The following RGS22 variants were observed in gnomAD, a reference collection of about 807,000 sequenced individuals.
RGS22 encodes regulator of G protein signaling 22, also known as regulator of G-protein signaling 22.
RGS22 carries 148 observed loss-of-function variants against 172.9 expected under a neutral mutation model. The observed-to-expected ratio is 0.86, with a 90% CI of 0.75 to 0.98. The LOEUF (loss-of-function observed/expected upper bound fraction) is 0.98. Ranked by LOEUF, RGS22 falls within the 50% of genes least tolerant of loss-of-function variation. RGS22 has a pLI of 0.00. For synonymous variants in RGS22, 458 were observed against 480.2 expected, an observed-to-expected ratio of 0.95 and a Z score of 0.60; for missense variants, 1,347 against 1,440.8, an observed-to-expected ratio of 0.93 and a Z score of 1.05.
intron 14 of RGS22, among the ~76,000 whole-genome samples, chr8:100,031,301 G>A (rs1455455563): frequency 6.6e-6 from 1 of 151,928 alleles, no homozygotes; most frequent in Non-Finnish European, 1.5e-5. Flanking sequence ...ACGTCATATA[G>A]CCTCTGATCT....
chr8:100,086,667 C>T (rs943587848), intron 3 of RGS22, among the ~76,000 whole-genome samples: 1 of 151,866 alleles, frequency 6.6e-6, no homozygotes, highest in African/African-American at 2.4e-5. Context: ...GCAATATACC[C>T]AGGTAACAAA....
intron 3 of RGS22, among the ~76,000 whole-genome samples, chr8:100,088,062 C>T (rs1812291347): frequency 6.6e-6 from 1 of 152,070 alleles, no homozygotes; most frequent in African/African-American, 2.4e-5. Context: ...CCAAACCCTT[C>T]ATCCCATGCA....
At chr8:99,998,487 T>C (rs1588940123) in intron 19 of RGS22, among the ~76,000 whole-genome samples, 1 of 152,220 alleles carries the variant, frequency 6.6e-6, no homozygotes, top group Non-Finnish European at 1.5e-5. Context: ...GGAAGATTGA[T>C]TGAGCCCCAG....
intron 3 of RGS22, 76 bp from the exon 4 acceptor site, chr8:100,080,431 T>A: frequency 2.0e-6 from 2 of 1,010,594 alleles, no homozygotes; most frequent in Non-Finnish European, 2.9e-6. Flanking sequence ...ACTTGTGGTT[T>A]ACATACATGC....
chr8:100,051,981 G>A (rs1346425330), intron 10 of RGS22, among the ~76,000 whole-genome samples: 5 of 39,798 alleles, frequency 1.3e-4, no homozygotes, highest in African/African-American at 2.5e-4. Context: ...ATATATAAAT[G>A]TTTATATATA....
intron 14 of RGS22, among the ~76,000 whole-genome samples, chr8:100,012,904 T>C (rs1300246940): frequency 6.6e-6 from 1 of 151,570 alleles, no homozygotes; most frequent in Non-Finnish European, 1.5e-5. Flanking sequence ...GTGCTACATA[T>C]CAAATTCTCA....
chr8:99,992,980 C>T (rs1043938185), intron 20 of RGS22, among the ~76,000 whole-genome samples: 1 of 152,184 alleles, frequency 6.6e-6, no homozygotes, highest in Non-Finnish European at 1.5e-5. Flanking sequence ...AACCACACAA[C>T]TACATGGAAA....
rs751319440 is a variant in RGS22, at chr8:100,008,488, T to G, written c.2248A>C (p.Lys750Gln). The change falls in exon 15 of 28, where the codon AAA (lysine) becomes CAA (glutamine). Residue 750 changes from lysine (K) to glutamine (Q), a missense_variant. Lys to Gln is a moderately conservative substitution (Grantham distance 53). Transcript: ENST00000360863. Reference sequence around the variant, plus strand: ...AGGTCTTCAAATGGTGGCTGTATTTTCATATAAATTTCTTTTTTCTTTTCC... The same window carrying G: ...AGGTCTTCAAATGGTGGCTGTATTTGCATATAAATTTCTTTTTTCTTTTCC... ...QQEKKKEIYM[K>Q]IQPPFEDLFD... 1 of 1,613,516 alleles carries G rather than the reference T, an allele frequency of 6.2e-7. No homozygotes were observed. The highest frequency in any genetic ancestry group is 1.1e-5 in the South Asian group (1 of 90,908).
rs1413818901 is a variant in RGS22, at chr8:99,978,069, T to C, written c.3367A>G (p.Ile1123Val). 3 of 1,509,244 alleles carry C rather than the reference T, an allele frequency of 2.0e-6. No homozygotes were observed. The African/African-American group carries it at 4.3e-5, about 22-fold the overall frequency. The allele number at this position is 1,509,244 out of a possible 1,614,324, so 93.5% of individuals were successfully genotyped here. Residue 1123 changes from isoleucine (I) to valine (V), a missense_variant, in exon 23 of 28, where the codon ATT becomes GTT. Coordinates refer to ENST00000360863, the MANE Select transcript of RGS22 (RefSeq NM_015668.5). ...CAGAATTTAAACAGAACCCCAAAAA[T>C]TGTCATCTGTATAAAAAAAAGTCTA... ...PYVFREAQMTIFGVLFKFWPQ... is the reference protein window; with the variant it reads ...PYVFREAQMTVFGVLFKFWPQ...
rs566208823 is a variant in RGS22 at position 100,057,045 on chromosome 8, T to C, written c.1515-4069A>G. On this transcript the variant is annotated intron_variant, in intron 9 of 27. Coordinates refer to ENST00000360863, the MANE Select transcript of RGS22 (RefSeq NM_015668.5). ...ACAGGGGCAGAGCTGCCCAAGACCA[T>C]GTGAACCCACCTCTCAGATCAGCAT... Among the ~76,000 whole-genome samples, 22 of 152,348 alleles carry C rather than the reference T, an allele frequency of 1.4e-4. 1 individual carries two copies. Among genetic ancestry groups the C allele is most frequent in the Admixed American group, 1.2e-3 (18 of 15,302 alleles).
chr8:100,080,504 A>T (rs1811676295), intron 3 of RGS22, 149 bp from the exon 4 acceptor site: 1 of 640,758 alleles, frequency 1.6e-6, no homozygotes, highest in South Asian at 2.0e-5. Context: ...GAGCTAGGAA[A>T]TCCCTTGGGT....
rs183741529 is a variant in RGS22, at chr8:99,994,266, G to T, written c.3018+2196C>A. 2.6e-5 allele frequency among the ~76,000 whole-genome samples: 4 copies of T among 152,274 alleles called. No individual in the cohort carries two copies. The East Asian group carries it at 7.7e-4, about 29-fold the overall frequency. On this transcript the variant is annotated intron_variant, in intron 20 of 27. Transcript: ENST00000360863. ...TGTAGTGTTGGAAGTTCTGACCAGG[G>T]CAATCAGGCAAGAGAAAGAAATAAA...
At chr8:100,018,831 A>C (rs1817295390) in intron 14 of RGS22, among the ~76,000 whole-genome samples, 1 of 152,232 alleles carries the variant, frequency 6.6e-6, no homozygotes, top group Non-Finnish European at 1.5e-5. Context: ...TCTTGGATAG[A>C]AGTGAATCCC....
chr8:99,975,464 A>G lies in RGS22; in HGVS notation c.3519+2453T>C, dbSNP rs1241030068. On this transcript the variant is annotated intron_variant, in intron 23 of 27. Coordinates refer to ENST00000360863, the MANE Select transcript of RGS22 (RefSeq NM_015668.5). ...GTGTAGCTGGCTAGGGTTATGCTAT[A>G]TTCTGTAAAGGACAAGATATTTTGC... 4.6e-5 allele frequency among the ~76,000 whole-genome samples: 7 copies of G among 152,148 alleles called. No individual in the cohort carries two copies. In the East Asian group the frequency reaches 5.8e-4, roughly 13 times the overall value.
At chr8:100,037,586 C>T (rs747963777) in intron 14 of RGS22, among the ~76,000 whole-genome samples, 3 of 152,068 alleles carry the variant, frequency 2.0e-5, no homozygotes, top group Non-Finnish European at 4.4e-5. Context: ...ATTAACAAGT[C>T]AACCAAGCTC....
intron 24 of RGS22, 102 bp from the exon 25 acceptor site, chr8:99,963,080 A>G (rs537256252): frequency 5.5e-6 from 5 of 917,030 alleles, no homozygotes; most frequent in Middle Eastern, 3.5e-4. Flanking sequence ...AATTTTTATT[A>G]AAGTATAACA....
At chr8:99,980,977 T>C (rs1272764738) in intron 22 of RGS22, among the ~76,000 whole-genome samples, 1 of 152,182 alleles carries the variant, frequency 6.6e-6, no homozygotes, top group Non-Finnish European at 1.5e-5. Context: ...GGATTGTGAG[T>C]CCACTTTTAG....
chr8:100,002,098 A>C, intron 18 of RGS22, 104 bp downstream of exon 18: 1 of 868,960 alleles, frequency 1.2e-6, no homozygotes. Context: ...ATTAGTCATA[A>C]GCAAAAGAAA....
chr8:99,979,324 A>T (rs1234258324), intron 22 of RGS22, among the ~76,000 whole-genome samples: 2 of 152,156 alleles, frequency 1.3e-5, no homozygotes, highest in East Asian at 3.8e-4. Flanking sequence ...AGTAAAAGTC[A>T]CCCAATTAAG....
Sources: allele counts gnomAD v4.1 joint callset (sites outside exome capture counted in the v4.1 genomes callset), GRCh38; gene constraint gnomAD v4.1.1; transcripts MANE v1.5; gene names NCBI Gene and HGNC (gene_info 2026-07-23, HGNC 2026-07-21).